Variants in NRXN3 observed in about 807,000 individuals in gnomAD.
NRXN3 encodes the protein neurexin 3.
In NRXN3, 32 loss-of-function variants were observed where a neutral mutation model predicts 137.6. That is an observed-to-expected ratio of 0.23 (90% CI 0.18 to 0.31). The LOEUF is 0.31. Ranked by LOEUF, NRXN3 falls within the 10% of genes least tolerant of loss-of-function variation. The probability of loss-of-function intolerance (pLI) is 1.00; values close to 1 mark genes in which losing one functional copy is unlikely to be tolerated. For missense variants in NRXN3, 1,574 were observed against 2,062.5 expected, an observed-to-expected ratio of 0.76 and a Z score of 4.59; for synonymous variants, 798 against 784.5, an observed-to-expected ratio of 1.02 and a Z score of -0.29.
At chr14:78,522,849 T>G (rs1399494861) in intron 4 of NRXN3, among the ~76,000 whole-genome samples, 2 of 152,192 alleles carry the variant, frequency 1.3e-5, no homozygotes, top group Non-Finnish European at 2.9e-5. Context: ...TCTCATTAAT[T>G]AGCGAGAGAA....
chr14:78,373,335 A>C (rs1403715344), intron 4 of NRXN3, among the ~76,000 whole-genome samples: 1 of 152,180 alleles, frequency 6.6e-6, no homozygotes, highest in Non-Finnish European at 1.5e-5. Context: ...TTTACCAAAG[A>C]GGAAGAACAA....
At chr14:78,305,211 G>A (rs1177602888) in intron 4 of NRXN3, among the ~76,000 whole-genome samples, 1 of 152,146 alleles carries the variant, frequency 6.6e-6, no homozygotes, top group East Asian at 1.9e-4. Context: ...GGGAAAGTGT[G>A]GGGAGGGTAT....
chr14:78,702,090 G>A (rs1361932436), intron 6 of NRXN3, among the ~76,000 whole-genome samples: 1 of 152,114 alleles, frequency 6.6e-6, no homozygotes, highest in Non-Finnish European at 1.5e-5. Context: ...GATCTAAGAG[G>A]ACCATCTGCT....
intron 15 of NRXN3, among the ~76,000 whole-genome samples, chr14:79,104,786 T>G (rs1205532729): frequency 6.6e-6 from 1 of 152,030 alleles, no homozygotes; most frequent in Non-Finnish European, 1.5e-5. Context: ...CACATCCTAA[T>G]TTTTCTGGGG....
chr14:79,821,412 G>A, intron 20 of NRXN3, among the ~76,000 whole-genome samples: 1 of 152,266 alleles, frequency 6.6e-6, no homozygotes, highest in East Asian at 1.9e-4. Flanking sequence ...CTGAACTGAA[G>A]AGAACATGCC....
At chr14:78,552,002 A>G (rs918270) in intron 4 of NRXN3, among the ~76,000 whole-genome samples, 4 of 151,950 alleles carry the variant, frequency 2.6e-5, no homozygotes, top group African/African-American at 7.3e-5. Context: ...CAGCATTTGA[A>G]AGCCAGGCCC....
At chr14:79,267,284 A>C (rs745395327) in intron 15 of NRXN3, among the ~76,000 whole-genome samples, 1 of 152,154 alleles carries the variant, frequency 6.6e-6, no homozygotes, top group Non-Finnish European at 1.5e-5. Context: ...AGGATATAGA[A>C]TTATTTTCTA....
intron 10 of NRXN3, among the ~76,000 whole-genome samples, chr14:78,927,085 G>A (rs2099307388): frequency 7.8e-6 from 1 of 127,842 alleles, no homozygotes; most frequent in African/African-American, 3.0e-5. Flanking sequence ...AGCCCAGGAG[G>A]TTGAGGCTTC....
chr14:79,296,253 A>C (rs181382724), intron 15 of NRXN3, among the ~76,000 whole-genome samples: 8 of 152,276 alleles, frequency 5.3e-5, no homozygotes, highest in Admixed American at 6.5e-5. Flanking sequence ...AGGTAAGAAC[A>C]TACAGTATTT....
intron 4 of NRXN3, among the ~76,000 whole-genome samples, chr14:78,509,954 T>C (rs569630976): frequency 2.0e-5 from 3 of 151,906 alleles, no homozygotes; most frequent in Non-Finnish European, 4.4e-5. Flanking sequence ...CAGAACAGGA[T>C]GGCCTAAGAT....
intron 4 of NRXN3, among the ~76,000 whole-genome samples, chr14:78,505,956 A>C (rs1315048634): frequency 6.6e-6 from 1 of 152,146 alleles, no homozygotes; most frequent in African/African-American, 2.4e-5. Context: ...CACCTCCCAA[A>C]GTGTCCTGTG....
intron 1 of NRXN3, among the ~76,000 whole-genome samples, chr14:78,185,916 C>G (rs1328001698): frequency 6.6e-6 from 1 of 152,172 alleles, no homozygotes; most frequent in East Asian, 1.9e-4. Flanking sequence ...AGAGAGTGAA[C>G]ACAAGCATTT....
chr14:78,225,675 G>C (rs2064458279), intron 1 of NRXN3, among the ~76,000 whole-genome samples: 1 of 151,466 alleles, frequency 6.6e-6, no homozygotes, highest in Non-Finnish European at 1.5e-5. Flanking sequence ...CCCACTATTC[G>C]CTCCCACCCA....
In NRXN3 at chr14:78,806,548, T is replaced by C. The variant is rs370744115; in HGVS notation, c.2248+2725T>C. Reference sequence around the variant, plus strand: ...GCCCATGCACTAACAATATTTTAGTTTATTTCAAATTGATCACACATATGC... The same window carrying C: ...GCCCATGCACTAACAATATTTTAGTCTATTTCAAATTGATCACACATATGC... On this transcript the variant is annotated intron_variant, in intron 9 of 20. Transcript: ENST00000335750. 2.4e-4 allele frequency among the ~76,000 whole-genome samples: 37 copies of C among 152,320 alleles called. 1 individual carries two copies. In the South Asian group the frequency reaches 7.7e-3, roughly 32 times the overall value.
chr14:79,668,464 G>T (rs748981209), intron 17 of NRXN3, among the ~76,000 whole-genome samples: 3 of 152,092 alleles, frequency 2.0e-5, no homozygotes, highest in Admixed American at 1.3e-4. Context: ...CTTTCCCAGT[G>T]TCACACAGCT....
chr14:78,992,016 T>C (rs1287836162), intron 15 of NRXN3, among the ~76,000 whole-genome samples: 6 of 152,216 alleles, frequency 3.9e-5, no homozygotes, highest in African/African-American at 1.4e-4. Context: ...TTAGAGCTGA[T>C]TGTCTTGTAT....
At chr14:79,754,199 A>C (rs1158894784) in intron 19 of NRXN3, among the ~76,000 whole-genome samples, 1 of 151,666 alleles carries the variant, frequency 6.6e-6, no homozygotes, top group Admixed American at 6.6e-5. Context: ...AAAATTATTC[A>C]GGTGTGGTGG....
Position 78,242,866 on chromosome 14 carries a change from A to C in NRXN3, c.-228A>C, listed in dbSNP as rs904862209. The C allele has an allele frequency of 9.9e-5, 46 of 465,146 alleles. No homozygotes were observed. Among genetic ancestry groups the C allele is most frequent in the Admixed American group, 2.3e-4 (6 of 26,082 alleles). The allele number at this position is 465,146 out of a possible 1,614,324, so 28.8% of individuals were successfully genotyped here. ...TCTTCTGCTGGTCCTGTCTTTTTCT[A>C]CTGCCTCTTTATTCAATTTCTTGCT... On this transcript the variant is annotated 5_prime_UTR_variant, in exon 2 of 21. Transcript: ENST00000335750.
intron 15 of NRXN3, among the ~76,000 whole-genome samples, chr14:79,122,638 AC>A: frequency 6.6e-6 from 1 of 152,238 alleles, no homozygotes; most frequent in East Asian, 1.9e-4. Flanking sequence ...AGAGGCCTTA[AC>A]TTGGAATATG....
Sources: gnomAD v4.1 joint callset for allele counts (sites outside exome capture counted in the v4.1 genomes callset) on GRCh38, gnomAD v4.1.1 for gene constraint, MANE v1.5 for transcripts, NCBI Gene and HGNC (gene_info 2026-07-23, HGNC 2026-07-21) for gene names.